The following MCM5 variants were observed in gnomAD, a reference collection of about 807,000 sequenced individuals.
The protein encoded by MCM5 is minichromosome maintenance complex component 5.
MCM5 carries 46 observed loss-of-function variants against 79.9 expected under a neutral mutation model. The ratio of observed to expected loss-of-function variants is 0.58; its 90% confidence interval spans 0.45 to 0.74. The LOEUF (loss-of-function observed/expected upper bound fraction) is 0.74. Ranked by LOEUF, MCM5 falls within the 30% of genes least tolerant of loss-of-function variation. The pLI is 0.00. For synonymous variants in MCM5, 404 were observed against 390.5 expected (o/e 1.03, Z -0.41); for missense variants, 883 against 1,017.0 (o/e 0.87, Z 1.79).
At chr22:35,407,824 A>G (rs1243204263) in intron 5 of MCM5, among the ~76,000 whole-genome samples, 3 of 152,170 alleles carry the variant, frequency 2.0e-5, no homozygotes, top group Admixed American at 1.3e-4. Context: ...ATGTCTTTTC[A>G]GCCTCCCTTG....
the MCM5 span, among the ~76,000 whole-genome samples, chr22:35,439,521 A>G: frequency 3.3e-5 from 5 of 151,810 alleles, no homozygotes; most frequent in East Asian, 7.7e-4. Flanking sequence ...CCATTCATCC[A>G]CCCACATGTC....
chr22:35,410,610 C>A, intron 6 of MCM5, 134 bp from the exon 7 acceptor site: 1 of 831,164 alleles, frequency 1.2e-6, no homozygotes, highest in Non-Finnish European at 2.1e-6. Context: ...GGGGCTGGAG[C>A]CAGCTCAGCA....
chr22:35,400,421 C>A lies in MCM5; in HGVS notation c.-8-10C>A. 1 of 1,613,928 alleles carries A rather than the reference C, an allele frequency of 6.2e-7. No individual in the cohort carries two copies. The highest frequency in any genetic ancestry group is 1.1e-5 in the South Asian group (1 of 91,044). On this transcript the variant is annotated splice_polypyrimidine_tract_variant and intron_variant, in intron 1 of 16. Coordinates refer to ENST00000216122, the MANE Select transcript of MCM5 (RefSeq NM_006739.4). ...CCCCAGCCTGTTCTGGCCGTTTGTT[C>A]CCACCCCAGGCGCAGTCATGTCGGG...
downstream of MCM5, among the ~76,000 whole-genome samples, chr22:35,428,979 TTTTTTTTTTTTTTTTTTTC>T (rs1932795065): frequency 7.2e-5 from 10 of 139,760 alleles, no homozygotes; most frequent in South Asian, 2.4e-3. Context: ...CCTTTTTTTT[TTTTTTTTTTTTTTTTTTTC>T]TTTTTTGAGG....
chr22:35,441,629 G>A, the MCM5 span, among the ~76,000 whole-genome samples: 12 of 152,176 alleles, frequency 7.9e-5, no homozygotes, highest in African/African-American at 2.7e-4. Flanking sequence ...GGGGTATATG[G>A]GCAGAGGTGA....
At chr22:35,400,789 T>G (rs1166124535) in intron 2 of MCM5, among the ~76,000 whole-genome samples, 184 bp downstream of exon 2, 1 of 151,166 alleles carries the variant, frequency 6.6e-6, no homozygotes, top group African/African-American at 2.5e-5. Flanking sequence ...TGTATTTTGT[T>G]TTACTTTATT....
chr22:35,430,533 C>A, the MCM5 span, among the ~76,000 whole-genome samples: 1 of 148,460 alleles, frequency 6.7e-6, no homozygotes, highest in Non-Finnish European at 1.5e-5. Flanking sequence ...TGGAGTCTCG[C>A]TCTGTCGCCC....
chr22:35,404,626 G>A (rs1174800004), intron 4 of MCM5, among the ~76,000 whole-genome samples: 1 of 152,218 alleles, frequency 6.6e-6, no homozygotes, highest in East Asian at 1.9e-4. Flanking sequence ...CTGACCAGGT[G>A]CTAGGTTGAG....
chr22:35,439,667 T>C, the MCM5 span, among the ~76,000 whole-genome samples: 5 of 152,180 alleles, frequency 3.3e-5, no homozygotes, highest in East Asian at 9.6e-4. Context: ...CCACCCCCAC[T>C]CTGTCTTTTA....
At chr22:35,419,038 A>G (rs1245528012) in intron 13 of MCM5, among the ~76,000 whole-genome samples, 2 of 152,144 alleles carry the variant, frequency 1.3e-5, no homozygotes. Flanking sequence ...CTTTGAATGC[A>G]CTACCAGTGG....
intron 13 of MCM5, 71 bp from the exon 14 acceptor site, chr22:35,419,813 G>T (rs1458983760): frequency 3.3e-6 from 5 of 1,497,214 alleles, no homozygotes; most frequent in Non-Finnish European, 3.6e-6. Flanking sequence ...CTGGCAGGGG[G>T]CTGGGGGAAA....
At chr22:35,453,845 G>GAGAGAGAT in the MCM5 span, among the ~76,000 whole-genome samples, 1 of 149,706 alleles carries the variant, frequency 6.7e-6, no homozygotes, top group Non-Finnish European at 1.5e-5. Flanking sequence ...GAGAGAGAGA[G>GAGAGAGAT]AGATAGGGAG....
chr22:35,447,488 T>G, the MCM5 span, among the ~76,000 whole-genome samples: 8 of 107,728 alleles, frequency 7.4e-5, no homozygotes, highest in Admixed American at 1.8e-4. Context: ...TTTATTTATT[T>G]TTGAGACAGA....
chr22:35,405,822 C>A (rs1384474254), intron 4 of MCM5, among the ~76,000 whole-genome samples: 6 of 151,758 alleles, frequency 4.0e-5, no homozygotes, highest in Non-Finnish European at 1.5e-5. Context: ...CCAGCCTGGC[C>A]AACATAGTGA....
chr22:35,450,252 T>C, the MCM5 span, among the ~76,000 whole-genome samples: 1 of 152,170 alleles, frequency 6.6e-6, no homozygotes, highest in Non-Finnish European at 1.5e-5. Context: ...CCGGAGAGGC[T>C]GCTTCCTCTC....
the MCM5 span, among the ~76,000 whole-genome samples, chr22:35,434,722 G>C: frequency 6.6e-6 from 1 of 152,340 alleles, no homozygotes; most frequent in South Asian, 2.1e-4. Context: ...GAGGACAGGA[G>C]ATTATGACAA....
At position 35,413,868 on chromosome 22, in the gene MCM5, C is replaced by A. The variant is rs534241396; in HGVS notation, c.1092-7C>A. The stretch of plus-strand genomic sequence containing the variant: ...CTCACCTTGTCCATCTACCCTTCGT[C>A]CCCCAGGCTCCCTGATGGACTTACT... On this transcript the variant is annotated splice_region_variant and splice_polypyrimidine_tract_variant and intron_variant, in intron 8 of 16. Transcript: ENST00000216122. The A allele has an allele frequency of 2.6e-6, 4 of 1,555,722 alleles. No homozygotes were observed. Among genetic ancestry groups the A allele is most frequent in the South Asian group, 1.1e-5 (1 of 89,924 alleles).
chr22:35,417,919 C>G, intron 13 of MCM5, 63 bp downstream of exon 13: 1 of 1,138,494 alleles, frequency 8.8e-7, no homozygotes, highest in Non-Finnish European at 1.3e-6. Context: ...GGGAGAGAAC[C>G]CAGTCCCCTG....
chr22:35,435,952 A>C, the MCM5 span, among the ~76,000 whole-genome samples: 2 of 152,108 alleles, frequency 1.3e-5, no homozygotes, highest in Non-Finnish European at 2.9e-5. Flanking sequence ...GGATCACCTG[A>C]GGTCGGGAGT....
Sources: allele counts gnomAD v4.1 joint callset (sites outside exome capture counted in the v4.1 genomes callset), GRCh38; gene constraint gnomAD v4.1.1; transcripts MANE v1.5; gene names NCBI Gene and HGNC (gene_info 2026-07-23, HGNC 2026-07-21).